Variants in MCC observed in about 807,000 individuals in gnomAD.
MCC encodes the protein MCC regulator of Wnt signaling pathway.
In MCC, 90 loss-of-function variants were observed where a neutral mutation model predicts 116.2. The observed-to-expected ratio is 0.77, with a 90% confidence interval of 0.65 to 0.92. The LOEUF (loss-of-function observed/expected upper bound fraction) is 0.92. Ranked by LOEUF, MCC falls within the 40% of genes least tolerant of loss-of-function variation. The pLI is 0.00. For missense variants in MCC, 1,516 were observed against 1,312.2 expected, an observed-to-expected ratio of 1.16 and a Z score of -2.40; for synonymous variants, 578 against 510.5, an observed-to-expected ratio of 1.13 and a Z score of -1.78.
chr5:113,381,821 A>G (rs13354840), intron 2 of MCC, among the ~76,000 whole-genome samples: 14,839 of 152,156 alleles, frequency 0.098, 1,158 homozygotes, highest in African/African-American at 0.21. Context: ...TGGGACCACA[A>G]GAAATCATCT....
intron 3 of MCC, among the ~76,000 whole-genome samples, chr5:113,260,852 G>A (rs191031485): frequency 6.6e-6 from 1 of 152,062 alleles, no homozygotes; most frequent in African/African-American, 2.4e-5. Flanking sequence ...GCAAATATGA[G>A]TTTTCCAAAA....
At chr5:113,401,054 GT>G (rs1769671063) in intron 1 of MCC, among the ~76,000 whole-genome samples, 1 of 152,126 alleles carries the variant, frequency 6.6e-6, no homozygotes, top group South Asian at 2.1e-4. Flanking sequence ...TAATACATAG[GT>G]TTTGGGGCAA....
At chr5:113,357,733 C>T (rs1454610605) in intron 2 of MCC, among the ~76,000 whole-genome samples, 2 of 152,160 alleles carry the variant, frequency 1.3e-5, no homozygotes, top group Admixed American at 6.5e-5. Context: ...CTGAAGTGAG[C>T]ATGTGTACAA....
chr5:113,179,822 A>T (rs143089813), intron 3 of MCC, among the ~76,000 whole-genome samples: 1 of 152,328 alleles, frequency 6.6e-6, no homozygotes, highest in East Asian at 1.9e-4. Flanking sequence ...TTACAAGAGC[A>T]TGGGCCTTAG....
intron 2 of MCC, among the ~76,000 whole-genome samples, chr5:113,365,885 C>T (rs943287402): frequency 5.9e-5 from 9 of 152,152 alleles, no homozygotes; most frequent in Non-Finnish European, 1.2e-4. Context: ...AGAACTCACT[C>T]ACTATACAGT....
rs576416699 is a variant in MCC at position 113,461,533 on chromosome 5, G to A, written c.170+26712C>T. ...AGAAATAATTAGAAGGTCCAGGTATGGTGGCTCATGCCTGTAATCCCAGGG... is the reference window on the plus strand; with the variant it reads ...AGAAATAATTAGAAGGTCCAGGTATAGTGGCTCATGCCTGTAATCCCAGGG... On this transcript the variant is annotated intron_variant, in intron 1 of 18. Transcript: ENST00000408903. Among the ~76,000 whole-genome samples the A allele has an allele frequency of 5.9e-4, 90 of 151,650 alleles. 2 individuals carry two copies. In the South Asian group the frequency reaches 0.016, roughly 27 times the overall value.
At chr5:113,333,596 C>A (rs921143593) in intron 3 of MCC, among the ~76,000 whole-genome samples, 10 of 150,676 alleles carry the variant, frequency 6.6e-5, no homozygotes, top group Non-Finnish European at 5.9e-5. Context: ...AAGGAAAAGA[C>A]AGCCTTGAGC....
At chr5:113,340,138 T>A (rs368756365) in intron 3 of MCC, among the ~76,000 whole-genome samples, 1 of 152,266 alleles carries the variant, frequency 6.6e-6, no homozygotes, top group East Asian at 1.9e-4. Context: ...TGCAATATTT[T>A]CCTTTTTGTT....
In MCC at chr5:113,434,969, T is replaced by A; in HGVS notation, c.171-49757A>T. ...GGCCAGGCCTGCTGTTCCTGCCTCC[T>A]AGAGGCCAAGACTCTGGAGTGGAAC... On this transcript the variant is annotated intron_variant, in intron 1 of 18. Transcript: ENST00000408903. The surrounding 1 kb of genome is among the most constrained non-coding windows in gnomAD (Gnocchi z 4.2). 1 of 1,148,372 alleles carries A rather than the reference T, an allele frequency of 8.7e-7. No individual in the cohort carries two copies. The highest frequency in any genetic ancestry group is 1.2e-6 in the Non-Finnish European group (1 of 819,266). The allele number at this position is 1,148,372 out of a possible 1,614,324, so 71.1% of individuals were successfully genotyped here.
chr5:113,272,514 T>G (rs1765654088), intron 3 of MCC, among the ~76,000 whole-genome samples: 1 of 152,228 alleles, frequency 6.6e-6, no homozygotes, highest in South Asian at 2.1e-4. Flanking sequence ...TGTGCTCATT[T>G]TAGCATAACC....
At chr5:113,399,071 C>T (rs765949514) in intron 1 of MCC, among the ~76,000 whole-genome samples, 1 of 152,110 alleles carries the variant, frequency 6.6e-6, no homozygotes, top group African/African-American at 2.4e-5. Flanking sequence ...CTGGACAGCA[C>T]AAGTATAGAA....
Position 113,143,246 on chromosome 5 carries a change from T to G in MCC, c.856A>C (p.Ile286Leu), listed in dbSNP as rs1759290748. ...HSVIAELNKK[I>L]DRLQGTTIRE... ...ATGGTGGTGCCTTGCAGACGGTCTATCTTCTTGTTGAGCTCCGCAATGACG... is the reference window on the plus strand; with the variant it reads ...ATGGTGGTGCCTTGCAGACGGTCTAGCTTCTTGTTGAGCTCCGCAATGACG... Residue 286 changes from isoleucine to leucine, a missense_variant, in exon 5 of 19, where the codon ATA (isoleucine) becomes CTA (leucine). Physicochemically the swap from Ile to Leu is conservative, Grantham distance 5. Transcript: ENST00000408903. The G allele has an allele frequency of 6.2e-7, 1 of 1,610,784 alleles. No homozygotes were observed. The highest frequency in any genetic ancestry group is 2.2e-5 in the East Asian group (1 of 44,668).
intron 1 of MCC, among the ~76,000 whole-genome samples, chr5:113,415,486 A>T (rs1481322482): frequency 6.6e-6 from 1 of 152,028 alleles, no homozygotes; most frequent in Non-Finnish European, 1.5e-5. Flanking sequence ...TTTTTTCTCT[A>T]ACCTTCTCTT....
chr5:113,397,858 G>C (rs1164153898), intron 1 of MCC, among the ~76,000 whole-genome samples: 1 of 152,156 alleles, frequency 6.6e-6, no homozygotes, highest in Non-Finnish European at 1.5e-5. Flanking sequence ...TTAAACAAAA[G>C]AGCTGCTGCA....
intron 12 of MCC, among the ~76,000 whole-genome samples, chr5:113,069,733 C>G (rs1160416129): frequency 6.6e-6 from 1 of 152,208 alleles, no homozygotes; most frequent in African/African-American, 2.4e-5. Flanking sequence ...AGGCGTCCAC[C>G]ACCATGCCTG....
chr5:113,460,806 C>T (rs1771722432), intron 1 of MCC, among the ~76,000 whole-genome samples: 1 of 152,202 alleles, frequency 6.6e-6, no homozygotes, highest in African/African-American at 2.4e-5. Flanking sequence ...TCTGCAACAC[C>T]TGACCGTTTG....
intron 1 of MCC, among the ~76,000 whole-genome samples, chr5:113,447,551 G>A (rs562864223): frequency 2.0e-4 from 31 of 152,154 alleles, no homozygotes; most frequent in Non-Finnish European, 2.9e-4. Flanking sequence ...CATCTAGTCC[G>A]ACCACCTCCT....
At chr5:113,469,327 G>T (rs962679589) in intron 1 of MCC, among the ~76,000 whole-genome samples, 10 of 152,052 alleles carry the variant, frequency 6.6e-5, no homozygotes, top group Admixed American at 2.0e-4. Flanking sequence ...TTTAGTGCTA[G>T]AAATTTCCCT....
chr5:113,139,156 C>T (rs958170843), intron 5 of MCC, among the ~76,000 whole-genome samples: 11 of 152,230 alleles, frequency 7.2e-5, no homozygotes, highest in African/African-American at 2.4e-4. Flanking sequence ...AAGCCCACTT[C>T]GACTCTGTTT....
Sources: allele counts gnomAD v4.1 joint callset (sites outside exome capture counted in the v4.1 genomes callset), GRCh38; gene constraint gnomAD v4.1.1; non-coding constraint Gnocchi (gnomAD v3.1); transcripts MANE v1.5; gene names NCBI Gene and HGNC (gene_info 2026-07-23, HGNC 2026-07-21).